The following TAF1 variants were observed in gnomAD, a reference collection of about 807,000 sequenced individuals.
TAF1 encodes the protein TATA-box binding protein associated factor 1.
In TAF1, 2 loss-of-function variants were observed where a neutral mutation model predicts 138.5. The ratio of observed to expected loss-of-function variants is 0.01; its 90% confidence interval spans 0.01 to 0.05. The LOEUF (loss-of-function observed/expected upper bound fraction) is 0.05. Ranked by LOEUF, TAF1 falls within the 10% of genes least tolerant of loss-of-function variation. The pLI is 1.00. For missense variants in TAF1, 709 were observed against 1,478.0 expected (o/e 0.48, Z 8.53); for synonymous variants, 437 against 503.2 (o/e 0.87, Z 1.76).
intron 5 of TAF1, 72 bp downstream of exon 5, chrX:71,377,263 T>C: frequency 8.5e-7 from 1 of 1,178,334 alleles, no homozygotes; most frequent in Non-Finnish European, 1.1e-6. Flanking sequence ...GTTGTTAAGA[T>C]GCTGAGTATG....
rs1288584324 is a variant in TAF1 at position 71,383,063 on chromosome X, T to G, written c.1846T>G (p.Phe616Val). The change falls in exon 12 of 38, where the codon TTC becomes GTC. Residue 616 changes from phenylalanine (F) to valine (V), a missense_variant. Transcript: ENST00000423759. ...THMGPIKLRQFHRPPLKKYSF... is the reference protein window; with the variant it reads ...THMGPIKLRQVHRPPLKKYSF... ...CATGGGGCCCATCAAACTCCGGCAG[T>G]TCCATCGCCCACCTCTGAAAAAGTA... is the stretch of plus-strand genomic sequence containing the variant. The G allele has an allele frequency of 8.3e-7, 1 of 1,211,575 alleles. No individual in the cohort carries two copies. Among genetic ancestry groups the G allele is most frequent in the East Asian group, 3.0e-5 (1 of 33,854 alleles).
chrX:71,381,694 G>A, intron 8 of TAF1, 49 bp from the exon 9 acceptor site: 1 of 1,152,801 alleles, frequency 8.7e-7, no homozygotes. Flanking sequence ...TGATTGAAAG[G>A]GGCATAAATG....
intron 13 of TAF1, among the ~76,000 whole-genome samples, chrX:71,514,917 C>A (rs1248000660): frequency 9.0e-6 from 1 of 111,470 alleles, no homozygotes; most frequent in Non-Finnish European, 1.9e-5. Context: ...GAACTAAAAC[C>A]AGTATCAGTG....
intron 25 of TAF1, among the ~76,000 whole-genome samples, chrX:71,406,187 TGC>T (rs1303648277): frequency 9.2e-6 from 1 of 109,251 alleles, no homozygotes; most frequent in African/African-American, 3.3e-5. Flanking sequence ...AAATTAGCTG[TGC>T]GTGGTGGTGG....
intron 6 of TAF1, 24 bp downstream of exon 6, chrX:71,377,845 T>G (rs1392096937): frequency 8.6e-7 from 1 of 1,166,089 alleles, no homozygotes; most frequent in Non-Finnish European, 1.1e-6. Context: ...AGACCTGAGA[T>G]TAAGGCCTAT....
chrX:71,442,914 T>C (rs2037502008), intron 32 of TAF1, among the ~76,000 whole-genome samples: 1 of 112,260 alleles, frequency 8.9e-6, no homozygotes, highest in Non-Finnish European at 1.9e-5. Context: ...TTTATTAAAT[T>C]AGGGAATCCT....
At chrX:71,452,934 G>C (rs947208862) in intron 32 of TAF1, among the ~76,000 whole-genome samples, 1 of 112,141 alleles carries the variant, frequency 8.9e-6, no homozygotes, top group South Asian at 3.7e-4. Flanking sequence ...GGTGGCGCGC[G>C]CCTGCAATCG....
intron 13 of TAF1, among the ~76,000 whole-genome samples, chrX:71,486,326 A>G (rs774069035): frequency 1.1e-4 from 12 of 109,736 alleles, no homozygotes; most frequent in Non-Finnish European, 2.3e-4. Flanking sequence ...CTGGGATTAT[A>G]GGCATGAGCC....
chrX:71,393,015 T>G, intron 20 of TAF1, 21 bp downstream of exon 20: 1 of 1,209,624 alleles, frequency 8.3e-7, no homozygotes, highest in Non-Finnish European at 1.1e-6. Context: ...AAGTGGAAAA[T>G]TTAGAGTATA....
chrX:71,406,773 A>G, intron 26 of TAF1, 27 bp downstream of exon 26: 1 of 1,149,162 alleles, frequency 8.7e-7, no homozygotes, highest in Non-Finnish European at 1.2e-6. Context: ...CTTCCTTCTG[A>G]TTAGGTAGGT....
Position 71,397,240 on chromosome X carries a change from A to C in TAF1, c.3407-13A>C, listed in dbSNP as rs1030897793. 4.1e-6 allele frequency: 5 copies of C among 1,205,728 alleles called. No individual in the cohort carries two copies. Among genetic ancestry groups the C allele is most frequent in the Non-Finnish European group, 4.5e-6 (4 of 892,977 alleles). On this transcript the variant is annotated splice_polypyrimidine_tract_variant and intron_variant, in intron 22 of 37. Transcript: ENST00000423759. ...AGGGGAACGTTTGGAAATCTTTTCT[A>C]CCTACCTTGCAGCAGCAGGCTCAGC... is the stretch of plus-strand genomic sequence containing the variant.
intron 17 of TAF1, 56 bp from the exon 18 acceptor site, chrX:71,389,529 C>A (rs916089407): frequency 3.0e-6 from 3 of 1,006,840 alleles, no homozygotes; most frequent in African/African-American, 1.9e-5. Flanking sequence ...AAAAAAAAAA[C>A]TTGTGCTTTG....
At chrX:71,407,728 C>G (rs2035548908) in intron 27 of TAF1, 56 bp downstream of exon 27, 2 of 1,112,821 alleles carry the variant, frequency 1.8e-6, no homozygotes, top group African/African-American at 1.8e-5. Context: ...TTTGTTCTGT[C>G]TGTGATTTCC....
chrX:71,403,171 GGT>G (rs2035270881), intron 25 of TAF1, among the ~76,000 whole-genome samples: 1 of 110,332 alleles, frequency 9.1e-6, no homozygotes, highest in African/African-American at 3.3e-5. Flanking sequence ...TGGGACTACA[GGT>G]GTGCAGTACC....
chrX:71,380,754 G>A lies in TAF1; in HGVS notation c.1361-989G>A, dbSNP rs1012837337. 6.3e-5 allele frequency among the ~76,000 whole-genome samples: 7 copies of A among 111,460 alleles called. No individual in the cohort carries two copies. In the Admixed American group the frequency reaches 6.7e-4, roughly 11 times the overall value. ...CGCCCAGGGTGGAATGTGTTGGCGC[G>A]ATCTTGGCTCACTGCAACATCTGCC... On this transcript the variant is annotated intron_variant, in intron 8 of 37. Transcript: ENST00000423759.
At chrX:71,428,054 C>T (rs1156461256) in intron 32 of TAF1, among the ~76,000 whole-genome samples, 4 of 87,163 alleles carry the variant, frequency 4.6e-5, no homozygotes, top group Admixed American at 4.1e-4. Context: ...CTTGCTCTGT[C>T]GCCCAGGCTA....
chrX:71,430,475 CTG>C (rs771708548), intron 32 of TAF1, among the ~76,000 whole-genome samples: 147 of 110,334 alleles, frequency 1.3e-3, no homozygotes, highest in Non-Finnish European at 2.4e-3. Flanking sequence ...TTAGGTGTAT[CTG>C]TATATGCTCA....
intron 32 of TAF1, among the ~76,000 whole-genome samples, chrX:71,428,567 G>T (rs960654425): frequency 8.0e-5 from 9 of 111,878 alleles, no homozygotes; most frequent in Non-Finnish European, 1.3e-4. Flanking sequence ...ATAAAATAGT[G>T]CATGTAAGTA....
chrX:71,372,841 T>C (rs946773351), intron 3 of TAF1, among the ~76,000 whole-genome samples: 2 of 111,881 alleles, frequency 1.8e-5, no homozygotes, highest in Non-Finnish European at 3.8e-5. Flanking sequence ...AATGGAAGTT[T>C]AGTAGTAGGA....
Sources: allele counts gnomAD v4.1 joint callset (sites outside exome capture counted in the v4.1 genomes callset), GRCh38; gene constraint gnomAD v4.1.1; transcripts MANE v1.5; gene names NCBI Gene and HGNC (gene_info 2026-07-23, HGNC 2026-07-21).